C1QTNF8: variants seen among roughly 807,000 people sequenced by gnomAD.
C1QTNF8 encodes C1q and TNF related 8.
A neutral mutation model predicts 19.2 loss-of-function variants in C1QTNF8; 27 were observed. The observed-to-expected ratio is 1.41, with a 90% CI of 1.04 to 1.94. The LOEUF (loss-of-function observed/expected upper bound fraction) is 1.94. Ranked by LOEUF, C1QTNF8 falls within the 30% of genes most tolerant of loss-of-function variation. The pLI is 0.00. For missense variants in C1QTNF8, 484 were observed against 374.4 expected, an observed-to-expected ratio of 1.29 and a Z score of -2.42; for synonymous variants, 208 against 172.8, an observed-to-expected ratio of 1.20 and a Z score of -1.60.
chr16:1,095,339 C>T (rs1456027972), intron 2 of C1QTNF8, among the ~76,000 whole-genome samples: 7 of 152,306 alleles, frequency 4.6e-5, no homozygotes, highest in African/African-American at 1.7e-4. Flanking sequence ...GGGAAAGGCC[C>T]CCCAAGGCTG....
Position 1,094,865 on chromosome 16 carries a change from C to A in C1QTNF8, c.58G>T (p.Gly20Trp). The stretch of plus-strand genomic sequence containing the variant: ...TGCACACAGGGCCTCCTGGGCAGCC[C>A]GGGCCAGGCCCCCACGGGCAGCAGC... ...ALLLPVGAWPGLPRRPCVHCC... is the reference protein window; with the variant it reads ...ALLLPVGAWPWLPRRPCVHCC... The change falls in exon 3 of 5, where the codon GGG becomes TGG. Residue 20 changes from glycine to tryptophan, a missense_variant. Coordinates refer to ENST00000328449, the MANE Select transcript of C1QTNF8 (RefSeq NM_207419.3). 1 of 1,403,856 alleles carries A rather than the reference C, an allele frequency of 7.1e-7. No homozygotes were observed. Among genetic ancestry groups the A allele is most frequent in the East Asian group, 2.8e-5 (1 of 36,038 alleles). The allele number at this position is 1,403,856 out of a possible 1,614,324, so 87.0% of individuals were successfully genotyped here.
At chr16:1,091,252 G>GC (rs1351913630) in intron 4 of C1QTNF8, among the ~76,000 whole-genome samples, 3 of 152,166 alleles carry the variant, frequency 2.0e-5, no homozygotes, top group East Asian at 1.9e-4. Flanking sequence ...GGGCTCTCCT[G>GC]CCCCCACCCG....
In C1QTNF8 at chr16:1,094,044, C is replaced by G; in HGVS notation, c.216G>C (p.Lys72Asn). 6.8e-7 allele frequency: 1 copy of G among 1,460,330 alleles called. No individual in the cohort carries two copies. Among genetic ancestry groups the G allele is most frequent in the South Asian group, 1.5e-5 (1 of 67,896 alleles). The allele number at this position is 1,460,330 out of a possible 1,614,324, so 90.5% of individuals were successfully genotyped here. ...TIDIEILKGE[K>N]GEAGVRGRAG... is the part of the protein sequence containing the mutation. ...CCCGACCTCGGACGCCGGCCTCACC[C>G]TTCTCACCTGCAGGGGACAAACGAA... The change falls in exon 4 of 5, where the codon AAG (lysine) becomes AAC (asparagine). Residue 72 changes from lysine to asparagine, a missense_variant. Lys to Asn is a moderately conservative substitution (Grantham distance 94). Coordinates refer to ENST00000328449, the MANE Select transcript of C1QTNF8 (RefSeq NM_207419.3).
intron 3 of C1QTNF8, among the ~76,000 whole-genome samples, chr16:1,094,414 G>A (rs1005439965): frequency 1.3e-5 from 2 of 152,216 alleles, no homozygotes; most frequent in Non-Finnish European, 2.9e-5. Context: ...GGGTCTCAGA[G>A]CAAGCGGGCT....
chr16:1,094,762 C>T lies in C1QTNF8; in HGVS notation c.161G>A (p.Arg54Lys). The T allele has an allele frequency of 6.4e-7, 1 of 1,553,768 alleles. No individual in the cohort carries two copies. Among genetic ancestry groups the T allele is most frequent in the Non-Finnish European group, 8.7e-7 (1 of 1,152,688 alleles). Reference protein sequence around the residue: ...DRDLWRGDLWRGLPRVRPTID... With the variant: ...DRDLWRGDLWKGLPRVRPTID... ...AGTGGGCCGTACTCGAGGCAGCCCC[C>T]TCCACAGGTCCCCCCTCCACAGGTC... is the stretch of plus-strand genomic sequence containing the variant. The change falls in exon 3 of 5, where the codon AGG becomes AAG. Residue 54 changes from arginine (R) to lysine (K), a missense_variant. By Grantham distance (26) the Arg-to-Lys change is conservative (BLOSUM62 2). Transcript: ENST00000328449.
At chr16:1,094,093 G>C in intron 3 of C1QTNF8, 42 bp from the exon 4 acceptor site, 3 of 1,377,988 alleles carry the variant, frequency 2.2e-6, no homozygotes, top group Non-Finnish European at 2.8e-6. Flanking sequence ...GGCCGGGCTG[G>C]GCAGGCCTCC....
At position 1,093,966 on chromosome 16, in the gene C1QTNF8, G is replaced by C; in HGVS notation, c.294C>G (p.Arg98=). ...GPPGARGLQG[R]RGQKGQVGPP... ...GCCCCACCTGCCCCTTCTGGCCTCT[G>C]CGGCCCTGCAGGCCCCGGGCGCCTG... Residue 98 remains arginine (R), a synonymous_variant, in exon 4 of 5, where the codon CGC becomes CGG. Coordinates refer to ENST00000328449, the MANE Select transcript of C1QTNF8 (RefSeq NM_207419.3). 6.7e-7 allele frequency: 1 copy of C among 1,483,140 alleles called. No homozygotes were observed. The allele number at this position is 1,483,140 out of a possible 1,614,324, so 91.9% of individuals were successfully genotyped here. A position where few individuals can be genotyped will look rare whatever the true frequency, so the allele number is the denominator to read the frequency against.
chr16:1,091,880 C>T (rs1596242933), intron 4 of C1QTNF8, among the ~76,000 whole-genome samples: 1 of 152,224 alleles, frequency 6.6e-6, no homozygotes, highest in South Asian at 2.1e-4. Flanking sequence ...CCCCTCACAC[C>T]GCCTGGAAGT....
rs1323737107 is a variant in C1QTNF8 at position 1,093,698 on chromosome 16, G to A, written c.562C>T (p.Pro188Ser). The change falls in exon 4 of 5, where the codon CCC becomes TCC. Residue 188 changes from proline to serine, a missense_variant. Pro to Ser is a moderately conservative substitution (Grantham distance 74). Coordinates refer to ENST00000328449, the MANE Select transcript of C1QTNF8 (RefSeq NM_207419.3). ...TYLHIMLNRR[P>S]AAVLYAQPSE... is the part of the protein sequence containing the mutation. ...GGCTGCGCGTAGAGCACGGCCGCGGGCCGCCGGTTCAGCATGATGTGCAGG... is the reference window on the plus strand; with the variant it reads ...GGCTGCGCGTAGAGCACGGCCGCGGACCGCCGGTTCAGCATGATGTGCAGG... 6.2e-7 allele frequency: 1 copy of A among 1,611,558 alleles called. No homozygotes were observed. Among genetic ancestry groups the A allele is most frequent in the Admixed American group, 1.7e-5 (1 of 59,820 alleles).
intron 3 of C1QTNF8, 86 bp downstream of exon 3, chr16:1,094,629 T>A: frequency 8.7e-7 from 1 of 1,150,874 alleles, no homozygotes; most frequent in Non-Finnish European, 1.2e-6. Flanking sequence ...CTCCCGCCCC[T>A]CCTCCCAAGC....
rs368835921 is a variant in C1QTNF8 at position 1,093,912 on chromosome 16, G to T, written c.348C>A (p.Tyr116Ter). 65 of 1,544,528 alleles carry T rather than the reference G, an allele frequency of 4.2e-5. 2 individuals carry two copies. The South Asian group carries it at 7.7e-4, about 18-fold the overall frequency. Residue 116 changes from tyrosine (Y) to a stop codon, truncating the protein, a stop_gained, in exon 4 of 5, where the codon TAC becomes TAA. Coordinates refer to ENST00000328449, the MANE Select transcript of C1QTNF8 (RefSeq NM_207419.3). LOFTEE classifies it high-confidence loss of function. ...CGCGCCGGCCCACGGAGAAGGCGGCGTAGGCACGTCGGCACGCGGCGCCCG... is the reference window on the plus strand; with the variant it reads ...CGCGCCGGCCCACGGAGAAGGCGGCTTAGGCACGTCGGCACGCGGCGCCCG... Reference protein sequence around the residue: ...GPPGAACRRAYAAFSVGRREG... With the variant: ...GPPGAACRRA
chr16:1,094,624 G>T, intron 3 of C1QTNF8, 91 bp downstream of exon 3: 1 of 1,072,438 alleles, frequency 9.3e-7, no homozygotes, highest in East Asian at 2.9e-5. Flanking sequence ...TGCCCCTCCC[G>T]CCCCTCCTCC....
chr16:1,094,012 C>T lies in C1QTNF8; in HGVS notation c.248G>A (p.Arg83Lys), dbSNP rs774740853. The T allele has an allele frequency of 1.5e-5, 22 of 1,485,702 alleles. No individual in the cohort carries two copies. The highest frequency in any genetic ancestry group is 1.3e-5 in the Non-Finnish European group (15 of 1,134,844). The allele number at this position is 1,485,702 out of a possible 1,614,324, so 92.0% of individuals were successfully genotyped here. ...GEAGVRGRAG[R>K]SGKEGPPGAR... ...GCCTGGCGGCCCCTCTTTCCCGCTC[C>T]TGCCGGCCCGACCTCGGACGCCGGC... is the stretch of plus-strand genomic sequence containing the variant. Residue 83 changes from arginine (R) to lysine (K), a missense_variant, in exon 4 of 5, where the codon AGG (arginine) becomes AAG (lysine). By Grantham distance (26) the Arg-to-Lys change is conservative. Coordinates refer to ENST00000328449, the MANE Select transcript of C1QTNF8 (RefSeq NM_207419.3).
rs972570780 is a variant in C1QTNF8, at chr16:1,089,095, G to C, written c.*1504C>G. ...GGAGACCCCAGGGCAGCCGGGCCAG[G>C]GCCAGGGCCAGGGAAAGGAACGGTT... is the stretch of plus-strand genomic sequence containing the variant. On this transcript the variant is annotated 3_prime_UTR_variant, in exon 5 of 5. Transcript: ENST00000328449. Among the ~76,000 whole-genome samples the C allele has an allele frequency of 2.0e-5, 3 of 152,248 alleles. No individual in the cohort carries two copies. The highest frequency in any genetic ancestry group is 7.2e-5 in the African/African-American group (3 of 41,550).
intron 4 of C1QTNF8, 28 bp downstream of exon 4, chr16:1,093,469 C>A (rs764668142): frequency 2.0e-6 from 3 of 1,465,924 alleles, no homozygotes; most frequent in African/African-American, 2.9e-5. Flanking sequence ...CGCGCGCGCG[C>A]CCGGTGCTCA....
At chr16:1,093,282 TCA>T (rs1960596090) in intron 4 of C1QTNF8, among the ~76,000 whole-genome samples, 1 of 137,696 alleles carries the variant, frequency 7.3e-6, no homozygotes, top group African/African-American at 3.1e-5. Flanking sequence ...GCTCAACAAA[TCA>T]CTGCACACAG....
chr16:1,091,188 T>G (rs76435407), intron 4 of C1QTNF8, among the ~76,000 whole-genome samples: 2,202 of 152,112 alleles, frequency 0.014, 40 homozygotes, highest in African/African-American at 0.048. Flanking sequence ...CCGCATCCCT[T>G]CATCTGTTCG....
chr16:1,092,171 C>T (rs1960559045), intron 4 of C1QTNF8, among the ~76,000 whole-genome samples: 1 of 152,246 alleles, frequency 6.6e-6, no homozygotes, highest in South Asian at 2.1e-4. Flanking sequence ...TGGTCCTTTC[C>T]TGTGCGCCAG....
intron 2 of C1QTNF8, 52 bp downstream of exon 2, chr16:1,095,563 A>G (rs1245676079): frequency 6.6e-6 from 1 of 152,196 alleles, no homozygotes; most frequent in Non-Finnish European, 1.5e-5. Flanking sequence ...CCCCCTCCCA[A>G]CAGCAGCTGC....
Sources: allele counts gnomAD v4.1 joint callset (sites outside exome capture counted in the v4.1 genomes callset), GRCh38; gene constraint gnomAD v4.1.1; transcripts MANE v1.5; gene names NCBI Gene and HGNC (gene_info 2026-07-23, HGNC 2026-07-21).